The following DOCK1 variants were observed in gnomAD, a reference collection of about 807,000 sequenced individuals.
DOCK1 encodes dedicator of cytokinesis 1, also known as dedicator of cytokinesis protein 1.
In DOCK1, 138 loss-of-function variants were observed where a neutral mutation model predicts 262.7. The ratio of observed to expected loss-of-function variants is 0.53; its 90% CI spans 0.46 to 0.61. The LOEUF is 0.61. Among genes scored for constraint, DOCK1 ranks in the 20% least tolerant of loss-of-function variants. The probability of loss-of-function intolerance (pLI) is 0.00; values close to 1 mark genes in which losing one functional copy is unlikely to be tolerated. For synonymous variants in DOCK1, 866 were observed against 867.4 expected, an observed-to-expected ratio of 1.00 and a Z score of 0.03; for missense variants, 1,908 against 2,370.7, an observed-to-expected ratio of 0.80 and a Z score of 4.05.
chr10:126,993,506 T>C (rs1367256915), intron 6 of DOCK1, among the ~76,000 whole-genome samples: 1 of 152,202 alleles, frequency 6.6e-6, no homozygotes, highest in African/African-American at 2.4e-5. Flanking sequence ...GGTTCAGGGA[T>C]AGGATAAGGA....
chr10:127,329,244 G>A (rs2062871482), intron 29 of DOCK1, among the ~76,000 whole-genome samples: 1 of 152,122 alleles, frequency 6.6e-6, no homozygotes, highest in Non-Finnish European at 1.5e-5. Context: ...CCGAGGGGTG[G>A]GGCACGGTCA....
chr10:127,222,628 TTTGTG>T (rs71032542), intron 27 of DOCK1, among the ~76,000 whole-genome samples: 54,688 of 145,278 alleles, frequency 0.38, 10,956 homozygotes, highest in Non-Finnish European at 0.43. Flanking sequence ...GTGTTTTTGT[TTTGTG>T]TTGTGTTGTG....
chr10:127,291,938 T>G (rs1165580735), intron 29 of DOCK1, among the ~76,000 whole-genome samples: 1 of 152,222 alleles, frequency 6.6e-6, no homozygotes, highest in African/African-American at 2.4e-5. Context: ...GAGTGCCTCC[T>G]GACCCAGGGT....
chr10:126,929,356 C>T (rs2034012113), intron 1 of DOCK1, among the ~76,000 whole-genome samples: 1 of 152,106 alleles, frequency 6.6e-6, no homozygotes, highest in African/African-American at 2.4e-5. Flanking sequence ...AGTGTTGACA[C>T]CCAGGAGATA....
intron 27 of DOCK1, among the ~76,000 whole-genome samples, chr10:127,233,119 AT>A (rs2058915429): frequency 1.3e-5 from 2 of 152,202 alleles, no homozygotes; most frequent in African/African-American, 2.4e-5. Context: ...AAGTGAAAAA[AT>A]ATCATTAAAA....
Position 126,977,991 on chromosome 10 carries a change from A to G in DOCK1, c.171+3A>G. 1.2e-6 allele frequency: 2 copies of G among 1,613,316 alleles called. No individual in the cohort carries two copies. The highest frequency in any genetic ancestry group is 1.7e-6 in the Non-Finnish European group (2 of 1,179,360). ...CGTTACGAAAAAAGTCTAAGAAGGT[A>G]AGTCCTTCTTCTTAAACACAGTGCA... On this transcript the variant is annotated splice_donor_region_variant and intron_variant, in intron 3 of 51. Transcript: ENST00000623213.
At chr10:127,301,765 G>C (rs1402830197) in intron 29 of DOCK1, among the ~76,000 whole-genome samples, 2 of 151,996 alleles carry the variant, frequency 1.3e-5, no homozygotes, top group East Asian at 3.9e-4. Context: ...AGCCAATATG[G>C]CAAAACCCCA....
intron 27 of DOCK1, among the ~76,000 whole-genome samples, chr10:127,242,234 A>G (rs1590086839): frequency 1.3e-5 from 2 of 152,286 alleles, no homozygotes; most frequent in Admixed American, 6.5e-5. Flanking sequence ...ATAGTTTCTA[A>G]TTTGTGATGT....
At chr10:126,920,818 G>A (rs1211480677) in intron 1 of DOCK1, among the ~76,000 whole-genome samples, 1 of 152,196 alleles carries the variant, frequency 6.6e-6, no homozygotes, top group Admixed American at 6.5e-5. Flanking sequence ...GCTGGTCCGA[G>A]TGCAGTGGTG....
chr10:127,336,535 G>GTTT (rs545546680), intron 29 of DOCK1, among the ~76,000 whole-genome samples: 2 of 137,906 alleles, frequency 1.5e-5, no homozygotes, highest in Non-Finnish European at 3.2e-5. Flanking sequence ...GACATACATA[G>GTTT]TTTTTTTTTT....
At chr10:126,920,890 T>G (rs2033117189) in intron 1 of DOCK1, among the ~76,000 whole-genome samples, 1 of 152,178 alleles carries the variant, frequency 6.6e-6, no homozygotes, top group African/African-American at 2.4e-5. Context: ...CTCCCACTGC[T>G]TCACTTGCCT....
chr10:127,006,293 G>A (rs2041014375), intron 10 of DOCK1, among the ~76,000 whole-genome samples: 2 of 152,196 alleles, frequency 1.3e-5, no homozygotes, highest in Admixed American at 6.5e-5. Flanking sequence ...CTGGCCCTGG[G>A]CCTCTGTCAC....
intron 27 of DOCK1, among the ~76,000 whole-genome samples, chr10:127,209,648 T>A (rs1012639934): frequency 1.1e-4 from 17 of 152,172 alleles, no homozygotes; most frequent in Non-Finnish European, 2.5e-4. Flanking sequence ...CATTTGTAAA[T>A]GATGGATTTG....
At chr10:127,288,773 T>TCA (rs3221847) in intron 29 of DOCK1, among the ~76,000 whole-genome samples, 57,575 of 143,214 alleles carry the variant, frequency 0.4, 11,406 homozygotes, top group East Asian at 0.5. Flanking sequence ...TGTATATATT[T>TCA]CACACACACA....
At chr10:127,436,493 T>C (rs1351977541) in intron 48 of DOCK1, among the ~76,000 whole-genome samples, 2 of 152,154 alleles carry the variant, frequency 1.3e-5, no homozygotes, top group Non-Finnish European at 2.9e-5. Flanking sequence ...CACTCCAGCC[T>C]GGGCAACAGA....
chr10:127,306,479 T>G lies in DOCK1; in HGVS notation c.3045-32527T>G, dbSNP rs531153892. On this transcript the variant is annotated intron_variant, in intron 29 of 51. Transcript: ENST00000623213. ...TGGCCATGCCCTTGGCTCCTGCATT[T>G]AGGAGCAGTGAATGTGGCGTCCATC... Among the ~76,000 whole-genome samples the G allele has an allele frequency of 2.5e-4, 38 of 152,222 alleles. No homozygotes were observed. In the South Asian group the frequency reaches 7.9e-3, roughly 32 times the overall value.
At chr10:127,014,443 T>C (rs1004984293) in intron 12 of DOCK1, among the ~76,000 whole-genome samples, 6 of 152,234 alleles carry the variant, frequency 3.9e-5, no homozygotes, top group African/African-American at 1.4e-4. Context: ...AATGTGTCAC[T>C]AGTGCATTAG....
chr10:127,394,545 C>G (rs1266529009), intron 38 of DOCK1, among the ~76,000 whole-genome samples: 2 of 152,084 alleles, frequency 1.3e-5, no homozygotes, highest in Non-Finnish European at 2.9e-5. Flanking sequence ...TAATGAAGCC[C>G]TCATATGGGT....
chr10:127,068,152 T>C (rs1270205292), intron 23 of DOCK1, among the ~76,000 whole-genome samples: 5 of 152,190 alleles, frequency 3.3e-5, no homozygotes, highest in Non-Finnish European at 4.4e-5. Flanking sequence ...TTGATTCCCT[T>C]AAAAATAATT....
Sources: gnomAD v4.1 joint callset for allele counts (sites outside exome capture counted in the v4.1 genomes callset) on GRCh38, gnomAD v4.1.1 for gene constraint, MANE v1.5 for transcripts, NCBI Gene and HGNC (gene_info 2026-07-23, HGNC 2026-07-21) for gene names.